IKZF2: variants seen among roughly 807,000 people sequenced by gnomAD.
IKZF2 encodes zinc finger protein Helios.
IKZF2 carries 15 observed loss-of-function variants against 49.2 expected under a neutral mutation model. The ratio of observed to expected loss-of-function variants is 0.30; its 90% CI spans 0.20 to 0.47. IKZF2 has a LOEUF of 0.47. Ranked by LOEUF, IKZF2 falls within the 20% of genes least tolerant of loss-of-function variation. The pLI, the probability that IKZF2 is intolerant of heterozygous loss-of-function variation, is 1.00. For missense variants in IKZF2, 567 were observed against 664.6 expected (o/e 0.85, Z 1.61); for synonymous variants, 227 against 221.4 (o/e 1.03, Z -0.23).
intron 4 of IKZF2, among the ~76,000 whole-genome samples, chr2:213,059,789 A>C (rs530138913): frequency 5.9e-5 from 9 of 151,658 alleles, no homozygotes; most frequent in African/African-American, 2.2e-4. Flanking sequence ...TAAAAATGTG[A>C]TTTTTAAAAG....
intron 1 of IKZF2, among the ~76,000 whole-genome samples, chr2:213,151,095 G>C (rs914841634): frequency 6.6e-6 from 1 of 152,010 alleles, no homozygotes; most frequent in African/African-American, 2.4e-5. Context: ...AGATTACAAG[G>C]AGGGGACGAT....
At chr2:213,105,578 TGTGGGGGGGGAAGGGGG>T (rs2059495567) in intron 4 of IKZF2, among the ~76,000 whole-genome samples, 1 of 24,634 alleles carries the variant, frequency 4.1e-5, no homozygotes, top group African/African-American at 1.7e-4. Context: ...AAGTGTAGTG[TGTGGGGGGGGAAGGGGG>T]GGGTGGTATG....
At chr2:213,116,885 A>G (rs1175219749) in intron 4 of IKZF2, among the ~76,000 whole-genome samples, 1 of 152,212 alleles carries the variant, frequency 6.6e-6, no homozygotes, top group African/African-American at 2.4e-5. Context: ...AATGTTTATT[A>G]AAAAACATAT....
rs74343423 is a variant in IKZF2 at position 213,086,965 on chromosome 2, C to T, written c.140-29866G>A. Among the ~76,000 whole-genome samples the T allele has an allele frequency of 1.6e-3, 245 of 152,142 alleles. 1 individual carries two copies. The highest frequency in any genetic ancestry group is 2.7e-3 in the Non-Finnish European group (182 of 67,986). On this transcript the variant is annotated intron_variant, in intron 4 of 8. Transcript: ENST00000434687. ...TTTATTAAGTGATCTGGCCTTTGCT[C>T]CATAAAGATCTCCCTGTTAATGCAA...
At chr2:213,024,684 T>C (rs1232567795) in intron 6 of IKZF2, among the ~76,000 whole-genome samples, 1 of 152,072 alleles carries the variant, frequency 6.6e-6, no homozygotes, top group African/African-American at 2.4e-5. Flanking sequence ...TTCCTCTATA[T>C]ACTTAGCTCC....
intron 2 of IKZF2, among the ~76,000 whole-genome samples, chr2:213,149,087 G>C (rs2125995171): frequency 6.6e-6 from 1 of 152,230 alleles, no homozygotes; most frequent in South Asian, 2.1e-4. Context: ...TGTTCTAATA[G>C]GGAGGGGGAG....
intron 6 of IKZF2, among the ~76,000 whole-genome samples, chr2:213,048,661 C>T (rs910094861): frequency 1.3e-5 from 2 of 151,900 alleles, no homozygotes; most frequent in East Asian, 3.8e-4. Flanking sequence ...ATTTTGTTTT[C>T]GTGTTTGCAT....
intron 4 of IKZF2, among the ~76,000 whole-genome samples, chr2:213,121,149 GA>G (rs2060044100): frequency 6.6e-6 from 1 of 152,122 alleles, no homozygotes; most frequent in African/African-American, 2.4e-5. Flanking sequence ...GTACTAAATA[GA>G]TACTTGCTGA....
At chr2:213,015,271 T>C (rs1696443188) in intron 7 of IKZF2, 4 of 152,088 alleles carry the variant, frequency 2.6e-5, no homozygotes, top group Admixed American at 2.6e-4. Flanking sequence ...AATTGAATTG[T>C]AATCTACATT....
At chr2:213,137,445 A>G (rs2060717108) in intron 4 of IKZF2, among the ~76,000 whole-genome samples, 1 of 152,122 alleles carries the variant, frequency 6.6e-6, no homozygotes, top group Admixed American at 6.5e-5. Flanking sequence ...TATTTTTAGT[A>G]CCTAAAAATT....
rs1284713718 is a variant in IKZF2 at position 213,049,726 on chromosome 2, G to A, written c.561C>T (p.Leu187=). ...CRRRDALTGH[L]RTHSVGKPHK... ...GGTGACACTTACCAGAATGGGTCCT[G>A]AGGTGTCCTGTGAGGGCGTCCCTTC... Residue 187 remains leucine (L), a synonymous_variant, in exon 6 of 9, where the codon CTC becomes CTT. Coordinates refer to ENST00000434687, the MANE Select transcript of IKZF2 (RefSeq NM_001387220.1). 1.6e-5 allele frequency: 25 copies of A among 1,604,538 alleles called. No individual in the cohort carries two copies. The highest frequency in any genetic ancestry group is 2.1e-5 in the Non-Finnish European group (25 of 1,174,564).
At chr2:213,105,357 T>A (rs1455215621) in intron 4 of IKZF2, among the ~76,000 whole-genome samples, 1 of 151,986 alleles carries the variant, frequency 6.6e-6, no homozygotes, top group African/African-American at 2.4e-5. Context: ...CCTGACATCA[T>A]TATTAGTGAA....
chr2:213,059,743 G>C (rs1161178638), intron 4 of IKZF2, among the ~76,000 whole-genome samples: 2 of 151,402 alleles, frequency 1.3e-5, no homozygotes, highest in Non-Finnish European at 3.0e-5. Context: ...ACACTACTAA[G>C]TTTAATTGGG....
Position 213,049,868 on chromosome 2 carries a change from A to G in IKZF2, c.419T>C (p.Phe140Ser). The G allele has an allele frequency of 6.3e-7, 1 of 1,580,156 alleles. No individual in the cohort carries two copies. Among genetic ancestry groups the G allele is most frequent in the Non-Finnish European group, 8.6e-7 (1 of 1,159,654 alleles). The change falls in exon 6 of 9, where the codon TTC (phenylalanine) becomes TCC (serine). Residue 140 changes from phenylalanine to serine, a missense_variant. Around this residue, in one of 5 missense-constraint regions of IKZF2, gnomAD observed 54 missense variants for 119.9 expected, o/e 0.45. Transcript: ENST00000434687. Reference protein sequence around the residue: ...HKRSHTGERPFHCNQCGASFT... With the variant: ...HKRSHTGERPSHCNQCGASFT... ...AGAAGCTCCACACTGGTTACAGTGGAAGGGGCGTTCACCTGCAGTAAGGAG... is the reference window on the plus strand; with the variant it reads ...AGAAGCTCCACACTGGTTACAGTGGGAGGGGCGTTCACCTGCAGTAAGGAG...
At chr2:213,035,588 A>G (rs992271607) in intron 6 of IKZF2, among the ~76,000 whole-genome samples, 3 of 152,228 alleles carry the variant, frequency 2.0e-5, no homozygotes, top group African/African-American at 4.8e-5. Flanking sequence ...TAAGGCAACT[A>G]TGCCAAGATC....
intron 4 of IKZF2, among the ~76,000 whole-genome samples, chr2:213,064,258 G>C (rs1351195798): frequency 6.6e-6 from 1 of 151,932 alleles, no homozygotes; most frequent in Non-Finnish European, 1.5e-5. Flanking sequence ...ATGAAGGATA[G>C]CATTTCAGGA....
intron 5 of IKZF2, among the ~76,000 whole-genome samples, chr2:213,055,464 C>T (rs1285382410): frequency 2.1e-5 from 3 of 142,692 alleles, no homozygotes; most frequent in South Asian, 2.1e-4. Context: ...AGATAAAAAA[C>T]GAAAAAGCAA....
intron 2 of IKZF2, among the ~76,000 whole-genome samples, 162 bp from the exon 3 acceptor site, chr2:213,148,806 T>C (rs1423485615): frequency 6.6e-6 from 1 of 152,186 alleles, no homozygotes; most frequent in Non-Finnish European, 1.5e-5. Context: ...TGCAAGTCAC[T>C]GAACTCTTTC....
intron 4 of IKZF2, among the ~76,000 whole-genome samples, chr2:213,128,804 C>CTTTTTTTTTTTT (rs1184422126): frequency 1.1e-3 from 122 of 113,174 alleles, no homozygotes; most frequent in Non-Finnish European, 1.5e-3. Context: ...ATTTTTTTTT[C>CTTTTTTTTTTTT]TTTTTTTTTT....
Sources: allele counts gnomAD v4.1 joint callset (sites outside exome capture counted in the v4.1 genomes callset), GRCh38; gene constraint gnomAD v4.1.1; regional missense constraint gnomAD v4.1.1; transcripts MANE v1.5; gene names NCBI Gene and HGNC (gene_info 2026-07-23, HGNC 2026-07-21).